The following KICS2 variants were observed in gnomAD, a reference collection of about 807,000 sequenced individuals.
The protein encoded by KICS2 is KICSTOR subunit 2.
In KICS2, 13 loss-of-function variants were observed where a neutral mutation model predicts 31.4. That is an observed-to-expected ratio of 0.41 (90% confidence interval 0.27 to 0.66). The LOEUF (loss-of-function observed/expected upper bound fraction) is 0.66. Ranked by LOEUF, KICS2 falls within the 30% of genes least tolerant of loss-of-function variation. The pLI is 0.28. For missense variants in KICS2, 455 were observed against 545.4 expected, an observed-to-expected ratio of 0.83 and a Z score of 1.65; for synonymous variants, 209 against 214.8, an observed-to-expected ratio of 0.97 and a Z score of 0.24.
intron 2 of KICS2, among the ~76,000 whole-genome samples, chr12:64,204,639 T>G (rs1193291227): frequency 6.6e-6 from 1 of 151,932 alleles, no homozygotes; most frequent in Non-Finnish European, 1.5e-5. Context: ...ACTTAAAGTA[T>G]AAAAAAATTA....
At chr12:64,197,629 T>A (rs1165274792) in intron 2 of KICS2, among the ~76,000 whole-genome samples, 2 of 150,546 alleles carry the variant, frequency 1.3e-5, no homozygotes, top group African/African-American at 2.5e-5. Context: ...ATGGACTAAA[T>A]GCTCCAATGA....
intron 2 of KICS2, among the ~76,000 whole-genome samples, 198 bp from the exon 3 acceptor site, chr12:64,194,856 C>T (rs1240174221): frequency 6.6e-6 from 1 of 152,130 alleles, no homozygotes; most frequent in East Asian, 1.9e-4. Flanking sequence ...ATGTCAACAT[C>T]ATATTCTCCT....
At chr12:64,210,625 T>C (rs1378375138) in intron 2 of KICS2, among the ~76,000 whole-genome samples, 3 of 151,898 alleles carry the variant, frequency 2.0e-5, no homozygotes, top group Admixed American at 6.6e-5. Context: ...AAAAATAAAA[T>C]AATTATCCAG....
chr12:64,202,035 T>C (rs2037495093), intron 2 of KICS2, among the ~76,000 whole-genome samples: 1 of 152,226 alleles, frequency 6.6e-6, no homozygotes, highest in Non-Finnish European at 1.5e-5. Flanking sequence ...AGTAAATAAC[T>C]GAAAATGCAA....
rs752182449 is a variant in KICS2 at position 64,193,879 on chromosome 12, T to G, written c.1301A>C (p.Lys434Thr). The G allele has an allele frequency of 1.2e-6, 2 of 1,614,014 alleles. No individual in the cohort carries two copies. The highest frequency in any genetic ancestry group is 1.7e-6 in the Non-Finnish European group (2 of 1,179,980). Residue 434 changes from lysine (K) to threonine (T), a missense_variant, in exon 3 of 3, where the codon AAA becomes ACA. Lys to Thr is a moderately conservative substitution (Grantham distance 78). Coordinates refer to ENST00000398055, the MANE Select transcript of KICS2 (RefSeq NM_152440.5). ...NEVSLALKNP[K>T]VFASLKPGAK... ...TCCAGGTTTCAGACTTGCAAACACT[T>G]TGGGGTTCTTAAGGGCAAGTGAGAC...
intron 2 of KICS2, among the ~76,000 whole-genome samples, chr12:64,197,190 C>T (rs2037448470): frequency 7.2e-6 from 1 of 139,304 alleles, no homozygotes. Context: ...ATGTTAAGGG[C>T]AGCCAGAGAG....
At chr12:64,221,646 A>G (rs373672689) in intron 1 of KICS2, 11 of 334,204 alleles carry the variant, frequency 3.3e-5, no homozygotes, top group African/African-American at 1.5e-4. Context: ...GTTGTTTTGC[A>G]AAGTTTTGCT....
At chr12:64,189,629 A>G (rs1651744054), downstream of KICS2, among the ~76,000 whole-genome samples, 1 of 152,104 alleles carries the variant, frequency 6.6e-6, no homozygotes, top group African/African-American at 2.4e-5. Flanking sequence ...CACTTCAAAT[A>G]CAAAGATATA....
chr12:64,212,161 TGTTA>T (rs2037588195), intron 2 of KICS2, among the ~76,000 whole-genome samples: 1 of 152,234 alleles, frequency 6.6e-6, no homozygotes, highest in Non-Finnish European at 1.5e-5. Flanking sequence ...ACAGCTTTAC[TGTTA>T]ATTATTTCAT....
At chr12:64,208,546 T>A (rs966286320) in intron 2 of KICS2, among the ~76,000 whole-genome samples, 2 of 152,222 alleles carry the variant, frequency 1.3e-5, no homozygotes, top group Non-Finnish European at 2.9e-5. Flanking sequence ...CCTTGTTAAC[T>A]ATACACATGC....
At chr12:64,188,369 C>A (rs1276563457), downstream of KICS2, among the ~76,000 whole-genome samples, 1 of 152,080 alleles carries the variant, frequency 6.6e-6, no homozygotes, top group Admixed American at 6.6e-5. Context: ...ACTAAACATA[C>A]AAAAATTAGC....
In KICS2 at chr12:64,193,863, C is replaced by A; in HGVS notation, c.1317G>T (p.Leu439=). ...CCTGCTAACCTTTGGCTCCAGGTTT[C>A]AGACTTGCAAACACTTTGGGGTTCT... is the stretch of plus-strand genomic sequence containing the variant. The part of the protein sequence containing the change: ...ALKNPKVFAS[L]KPGAKG The change falls in exon 3 of 3, where the codon CTG becomes CTT. Residue 439 remains leucine, a synonymous_variant. Coordinates refer to ENST00000398055, the MANE Select transcript of KICS2 (RefSeq NM_152440.5). 6.2e-7 allele frequency: 1 copy of A among 1,613,306 alleles called. No homozygotes were observed. Among genetic ancestry groups the A allele is most frequent in the African/African-American group, 1.3e-5 (1 of 74,934 alleles).
chr12:64,193,714 G>T lies in KICS2; in HGVS notation c.*128C>A. ...GCTTATAAAGTGTGCAACACAGGGAGGATTTGTCTTTAATTTAGTTCTGAA... is the reference window on the plus strand; with the variant it reads ...GCTTATAAAGTGTGCAACACAGGGATGATTTGTCTTTAATTTAGTTCTGAA... On this transcript the variant is annotated 3_prime_UTR_variant, in exon 3 of 3. Coordinates refer to ENST00000398055, the MANE Select transcript of KICS2 (RefSeq NM_152440.5). 6.9e-7 allele frequency: 1 copy of T among 1,444,864 alleles called. No individual in the cohort carries two copies. The highest frequency in any genetic ancestry group is 9.1e-7 in the Non-Finnish European group (1 of 1,103,946). The allele number at this position is 1,444,864 out of a possible 1,614,324, so 89.5% of individuals were successfully genotyped here.
rs2037394372 is a variant in KICS2, at chr12:64,192,844, T to A, written c.*998A>T. On this transcript the variant is annotated 3_prime_UTR_variant, in exon 3 of 3. Coordinates refer to ENST00000398055, the MANE Select transcript of KICS2 (RefSeq NM_152440.5). ...AAACCCAAGTTCAGAAGTGCTTAAG[T>A]ACTGAGGTGATTACTCAACTATGAA... The A allele has an allele frequency of 1.0e-6, 1 of 985,462 alleles. No homozygotes were observed. The highest frequency in any genetic ancestry group is 1.2e-6 in the Non-Finnish European group (1 of 829,944). The allele number at this position is 985,462 out of a possible 1,614,324, so 61.0% of individuals were successfully genotyped here.
At chr12:64,218,547 A>G (rs1291569849) in intron 1 of KICS2, among the ~76,000 whole-genome samples, 1 of 152,210 alleles carries the variant, frequency 6.6e-6, no homozygotes, top group Non-Finnish European at 1.5e-5. Flanking sequence ...AAAACTCCTA[A>G]TAATAATACA....
At chr12:64,189,500 C>T (rs889985830), downstream of KICS2, among the ~76,000 whole-genome samples, 1 of 152,162 alleles carries the variant, frequency 6.6e-6, no homozygotes, top group Non-Finnish European at 1.5e-5. Flanking sequence ...TTCAAGGATA[C>T]TGTCATCAAA....
Position 64,193,114 on chromosome 12 carries a change from A to T in KICS2, c.*728T>A. 1 of 985,482 alleles carries T rather than the reference A, an allele frequency of 1.0e-6. No individual in the cohort carries two copies. 61.0% of individuals were successfully genotyped at this position (985,482 alleles called of 1,614,324 possible). A position where few individuals can be genotyped will look rare whatever the true frequency, so the allele number is the denominator to read the frequency against. On this transcript the variant is annotated 3_prime_UTR_variant, in exon 3 of 3. Coordinates refer to ENST00000398055, the MANE Select transcript of KICS2 (RefSeq NM_152440.5). ...ATGAAGAAAGCCCACATGATGGCTTATGCTGACTTTACAACAGAGTGAAAC... is the reference window on the plus strand; with the variant it reads ...ATGAAGAAAGCCCACATGATGGCTTTTGCTGACTTTACAACAGAGTGAAAC...
chr12:64,193,552 T>A lies in KICS2; in HGVS notation c.*290A>T. 13 of 1,124,618 alleles carry A rather than the reference T, an allele frequency of 1.2e-5. No homozygotes were observed. The highest frequency in any genetic ancestry group is 1.4e-5 in the Non-Finnish European group (13 of 919,822). 69.7% of individuals were successfully genotyped at this position (1,124,618 alleles called of 1,614,324 possible). A position where few individuals can be genotyped will look rare whatever the true frequency, so the allele number is the denominator to read the frequency against. ...ACATATGGGAAAAAAAAAAGCCCAATAAATATTCAATCTACAAGAAATATA... is the reference window on the plus strand; with the variant it reads ...ACATATGGGAAAAAAAAAAGCCCAAAAAATATTCAATCTACAAGAAATATA... On this transcript the variant is annotated 3_prime_UTR_variant, in exon 3 of 3. Coordinates refer to ENST00000398055, the MANE Select transcript of KICS2 (RefSeq NM_152440.5).
downstream of KICS2, chr12:64,187,756 A>C: frequency 1.1e-6 from 1 of 907,540 alleles, no homozygotes; most frequent in South Asian, 1.8e-5. Flanking sequence ...GGAGAAAAAA[A>C]ATCTAGTTTT....
Sources: allele counts gnomAD v4.1 joint callset (sites outside exome capture counted in the v4.1 genomes callset), GRCh38; gene constraint gnomAD v4.1.1; transcripts MANE v1.5; gene names NCBI Gene and HGNC (gene_info 2026-07-23, HGNC 2026-07-21).